Variants in PAPSS2 observed in about 807,000 individuals in gnomAD.
PAPSS2 encodes the protein 3'-phosphoadenosine 5'-phosphosulfate synthase 2, also known as bifunctional 3'-phosphoadenosine 5'-phosphosulfate synthase 2.
PAPSS2 carries 61 observed loss-of-function variants against 66.5 expected under a neutral mutation model. The observed-to-expected ratio is 0.92, with a 90% CI of 0.75 to 1.14. The LOEUF is 1.14. Ranked by LOEUF, PAPSS2 falls within the 50% of genes most tolerant of loss-of-function variation. The pLI, the probability that PAPSS2 is intolerant of heterozygous loss-of-function variation, is 0.00. For synonymous variants in PAPSS2, 289 were observed against 287.5 expected (o/e 1.01, Z -0.05); for missense variants, 708 against 789.6 (o/e 0.90, Z 1.24).
chr10:87,709,134 C>T (rs1589433224), intron 1 of PAPSS2, 62 bp from the exon 2 acceptor site: 2 of 1,040,564 alleles, frequency 1.9e-6, no homozygotes, highest in Admixed American at 1.7e-5. Context: ...TTTATATTGG[C>T]TCCAGTGAAG....
In PAPSS2 at chr10:87,745,016, C is replaced by T. The variant is rs375142883; in HGVS notation, c.1506C>T (p.Cys502=). ...YAGPTEVQWH[C]RSRMIAGANF... ...ACATTTTCTAGGTCCAGTGGCACTG[C>T]AGGTCCCGGATGATTGCGGGTGCCA... Residue 502 remains cysteine, a synonymous_variant, in exon 12 of 13, where the codon TGC becomes TGT. Transcript: ENST00000456849. 3.5e-5 allele frequency: 56 copies of T among 1,613,844 alleles called. No individual in the cohort carries two copies. Among genetic ancestry groups the T allele is most frequent in the Non-Finnish European group, 3.8e-5 (45 of 1,179,850 alleles).
intron 9 of PAPSS2, among the ~76,000 whole-genome samples, chr10:87,739,365 G>A (rs1447212163): frequency 6.6e-6 from 1 of 152,182 alleles, no homozygotes; most frequent in Non-Finnish European, 1.5e-5. Context: ...ATGTGAATTT[G>A]GCTACATTTT....
At position 87,733,363 on chromosome 10, in the gene PAPSS2, G is replaced by A. The variant is rs186466825; in HGVS notation, c.1086+5874G>A. ...AGCAGGTGAAACTTGTAAAACTAAT[G>A]CTTGCTGGGGCTTTGTTGCCTTTCG... is the stretch of plus-strand genomic sequence containing the variant. On this transcript the variant is annotated intron_variant, in intron 9 of 12. Transcript: ENST00000456849. Among the ~76,000 whole-genome samples the A allele has an allele frequency of 2.5e-3, 382 of 152,280 alleles. 2 individuals are homozygous for A. The highest frequency in any genetic ancestry group is 5.8e-3 in the South Asian group (28 of 4,822).
At chr10:87,741,399 T>A in intron 10 of PAPSS2, 29 bp downstream of exon 10, 1 of 1,573,578 alleles carries the variant, frequency 6.4e-7, no homozygotes, top group Admixed American at 1.7e-5. Flanking sequence ...GTGCATTTTA[T>A]TTATTTATTT....
chr10:87,675,030 T>C (rs1490728465), intron 1 of PAPSS2, among the ~76,000 whole-genome samples: 2 of 152,246 alleles, frequency 1.3e-5, no homozygotes, highest in Non-Finnish European at 2.9e-5. Flanking sequence ...AAGACCCATA[T>C]CTAGGAACTG....
At position 87,712,690 on chromosome 10, in the gene PAPSS2, C is replaced by T. The variant is rs1853477339; in HGVS notation, c.146-385C>T. On this transcript the variant is annotated intron_variant, in intron 2 of 12. Coordinates refer to ENST00000456849, the MANE Select transcript of PAPSS2 (RefSeq NM_001015880.2). Reference sequence around the variant, plus strand: ...CAGGCTAGTTTCGAACTCCTGGGCTCAAGTGATCCTCCCACCTTGGCCTCC... The same window carrying T: ...CAGGCTAGTTTCGAACTCCTGGGCTTAAGTGATCCTCCCACCTTGGCCTCC... 2.0e-5 allele frequency among the ~76,000 whole-genome samples: 3 copies of T among 152,200 alleles called. No individual in the cohort carries two copies. The South Asian group carries it at 6.2e-4, about 32-fold the overall frequency.
At chr10:87,730,296 T>C (rs1160478635) in intron 9 of PAPSS2, among the ~76,000 whole-genome samples, 1 of 152,154 alleles carries the variant, frequency 6.6e-6, no homozygotes, top group Non-Finnish European at 1.5e-5. Flanking sequence ...GAGAAGCTTA[T>C]ATACCATCCT....
At chr10:87,718,088 G>A (rs12414734) in intron 7 of PAPSS2, among the ~76,000 whole-genome samples, 58,938 of 150,950 alleles carry the variant, frequency 0.39, 11,761 homozygotes, top group South Asian at 0.49. Flanking sequence ...TGTCACCCAG[G>A]CTGGAGTGCA....
At chr10:87,704,051 G>T in intron 1 of PAPSS2, 1 of 496,744 alleles carries the variant, frequency 2.0e-6, no homozygotes. Context: ...AAAAGTTTTT[G>T]GCCACTCTGC....
intron 1 of PAPSS2, 51 bp downstream of exon 1, chr10:87,660,059 GACCCCCA>G: frequency 6.3e-7 from 1 of 1,578,176 alleles, no homozygotes; most frequent in Non-Finnish European, 8.6e-7. Flanking sequence ...TGCACGCGCC[GACCCCCA>G]ACCCCCAATT....
At chr10:87,708,954 T>C (rs1853428832) in intron 1 of PAPSS2, among the ~76,000 whole-genome samples, 1 of 152,184 alleles carries the variant, frequency 6.6e-6, no homozygotes, top group Admixed American at 6.5e-5. Flanking sequence ...ATAACTTAGG[T>C]ATGTAGACTC....
At chr10:87,735,078 G>T (rs1853780560) in intron 9 of PAPSS2, among the ~76,000 whole-genome samples, 1 of 152,098 alleles carries the variant, frequency 6.6e-6, no homozygotes, top group Non-Finnish European at 1.5e-5. Context: ...GGCTCCTGAA[G>T]CCTGCTCCCC....
chr10:87,709,138 A>G (rs1055073493), intron 1 of PAPSS2, 58 bp from the exon 2 acceptor site: 11 of 1,074,232 alleles, frequency 1.0e-5, no homozygotes, highest in Non-Finnish European at 1.6e-5. Flanking sequence ...TATTGGCTCC[A>G]GTGAAGAATA....
At chr10:87,703,760 A>G (rs1828825483) in intron 1 of PAPSS2, 1 of 518,956 alleles carries the variant, frequency 1.9e-6, no homozygotes, top group Non-Finnish European at 3.8e-6. Context: ...AGTAGTGGGA[A>G]GAAGGTAGAG....
intron 9 of PAPSS2, among the ~76,000 whole-genome samples, chr10:87,740,085 A>G (rs1853848155): frequency 6.6e-6 from 1 of 152,236 alleles, no homozygotes; most frequent in Non-Finnish European, 1.5e-5. Context: ...ATGGTTATTC[A>G]GATATGACTA....
At chr10:87,700,930 A>T in intron 1 of PAPSS2, among the ~76,000 whole-genome samples, 1 of 151,866 alleles carries the variant, frequency 6.6e-6, no homozygotes, top group Non-Finnish European at 1.5e-5. Context: ...ATAATTTCAT[A>T]TTTTAAAAAT....
At position 87,720,397 on chromosome 10, in the gene PAPSS2, T is replaced by C. The variant is rs114098582; in HGVS notation, c.866-1359T>C. On this transcript the variant is annotated intron_variant, in intron 7 of 12. Transcript: ENST00000456849. ...CTGACAGTGCCTCACCTGATGGCGT[T>C]TGGACTGAGGAGACAGAGTTAAATT... Among the ~76,000 whole-genome samples the C allele has an allele frequency of 4.4e-3, 677 of 152,266 alleles. 7 individuals are homozygous for C. The highest frequency in any genetic ancestry group is 0.016 in the African/African-American group (661 of 41,544).
At chr10:87,745,803 C>G (rs201231515) in intron 12 of PAPSS2, 29 bp from the exon 13 acceptor site, 53 of 1,613,398 alleles carry the variant, frequency 3.3e-5, no homozygotes, top group Non-Finnish European at 4.3e-5. Flanking sequence ...TTTACCTACA[C>G]TGAGTTCTTT....
intron 1 of PAPSS2, among the ~76,000 whole-genome samples, chr10:87,677,401 T>G (rs998622500): frequency 3.3e-5 from 5 of 152,238 alleles, no homozygotes; most frequent in Admixed American, 3.3e-4. Flanking sequence ...TATGCCCCTA[T>G]GTATTGAATC....
Sources: allele counts gnomAD v4.1 joint callset (sites outside exome capture counted in the v4.1 genomes callset), GRCh38; gene constraint gnomAD v4.1.1; transcripts MANE v1.5; gene names NCBI Gene and HGNC (gene_info 2026-07-23, HGNC 2026-07-21).